Variants in CTNNBL1 observed in about 807,000 individuals in gnomAD.
CTNNBL1 encodes the protein catenin beta like 1.
Under a neutral mutation model 72.7 loss-of-function variants are expected in CTNNBL1, and 31 were observed. That is an observed-to-expected ratio of 0.43 (90% CI 0.32 to 0.58). CTNNBL1 has a LOEUF of 0.58. CTNNBL1 is among the 20% of genes least tolerant of loss of function. CTNNBL1 has a pLI of 0.08. For missense variants in CTNNBL1, 534 were observed against 725.1 expected, an observed-to-expected ratio of 0.74 and a Z score of 3.03; for synonymous variants, 240 against 267.3, an observed-to-expected ratio of 0.90 and a Z score of 1.00.
At chr20:37,842,310 C>T (rs2072310789) in intron 12 of CTNNBL1, 29 bp from the exon 13 acceptor site, 5 of 1,506,220 alleles carry the variant, frequency 3.3e-6, no homozygotes, top group Non-Finnish European at 3.7e-6. Context: ...CTTTCCTTCT[C>T]ACTCAAGCCT....
intron 1 of CTNNBL1, among the ~76,000 whole-genome samples, chr20:37,718,277 G>C (rs1216496143): frequency 2.6e-4 from 37 of 141,326 alleles, no homozygotes. Context: ...TGGCTGGCCG[G>C]GCGGGGGGCT....
chr20:37,860,426 A>G, intron 15 of CTNNBL1, 82 bp downstream of exon 15: 3 of 1,139,814 alleles, frequency 2.6e-6, no homozygotes, highest in Non-Finnish European at 4.0e-6. Flanking sequence ...TATCCCTGGT[A>G]TTTGATGTGG....
chr20:37,808,419 T>G (rs1201765851), intron 11 of CTNNBL1, among the ~76,000 whole-genome samples: 1 of 152,184 alleles, frequency 6.6e-6, no homozygotes, highest in Non-Finnish European at 1.5e-5. Context: ...TTTAAAAGTC[T>G]TCGTGCTGGG....
At chr20:37,828,115 T>G (rs2072176137) in intron 11 of CTNNBL1, among the ~76,000 whole-genome samples, 1 of 152,184 alleles carries the variant, frequency 6.6e-6, no homozygotes, top group Non-Finnish European at 1.5e-5. Context: ...CACGGTGGTT[T>G]GTTATGATAT....
intron 1 of CTNNBL1, among the ~76,000 whole-genome samples, chr20:37,706,383 T>C (rs1412160686): frequency 6.6e-6 from 1 of 152,246 alleles, no homozygotes; most frequent in Non-Finnish European, 1.5e-5. Context: ...GTGCTGCCAA[T>C]TTATCATCTA....
intron 5 of CTNNBL1, among the ~76,000 whole-genome samples, chr20:37,760,560 G>A (rs2073407730): frequency 6.6e-6 from 1 of 152,250 alleles, no homozygotes; most frequent in Admixed American, 6.5e-5. Context: ...CGTCAGGGGA[G>A]TGGTCAGAGC....
chr20:37,746,478 T>A lies in CTNNBL1; in HGVS notation c.337T>A (p.Ser113Thr), dbSNP rs1568761287. 1.9e-6 allele frequency: 3 copies of A among 1,613,424 alleles called. No individual in the cohort carries two copies. Among genetic ancestry groups the A allele is most frequent in the Non-Finnish European group, 2.5e-6 (3 of 1,179,516 alleles). ...FPDNPEKFME[S>T]ELDLNDIIQE... ...TGTTTTCCCTCCTAGGTTCATGGAA[T>A]CCGAGCTGGACCTAAATGACATCAT... The change falls in exon 4 of 16, where the codon TCC (serine) becomes ACC (threonine). Residue 113 changes from serine to threonine, a missense_variant. Physicochemically the swap from Ser to Thr is moderately conservative, Grantham distance 58. Transcript: ENST00000361383.
chr20:37,833,558 C>G (rs778490619), intron 11 of CTNNBL1, among the ~76,000 whole-genome samples: 33 of 152,050 alleles, frequency 2.2e-4, no homozygotes, highest in Non-Finnish European at 4.7e-4. Context: ...TTGGTGGAGC[C>G]TTGTTGCTTC....
At chr20:37,740,121 A>G (rs895978092) in intron 3 of CTNNBL1, among the ~76,000 whole-genome samples, 8 of 152,224 alleles carry the variant, frequency 5.3e-5, no homozygotes, top group African/African-American at 1.9e-4. Context: ...AGTGTTTTCC[A>G]TTCAGACAAA....
intron 15 of CTNNBL1, among the ~76,000 whole-genome samples, chr20:37,865,598 G>T (rs2072530705): frequency 6.6e-6 from 1 of 152,142 alleles, no homozygotes; most frequent in African/African-American, 2.4e-5. Flanking sequence ...GCTACGCATG[G>T]GCATTGTTGA....
chr20:37,698,294 G>A (rs1279208253), intron 1 of CTNNBL1, among the ~76,000 whole-genome samples: 7 of 152,202 alleles, frequency 4.6e-5, no homozygotes. Flanking sequence ...GCATGCTCAT[G>A]TCCAGCTGGC....
At chr20:37,846,399 G>C (rs971838659) in intron 13 of CTNNBL1, among the ~76,000 whole-genome samples, 5 of 152,086 alleles carry the variant, frequency 3.3e-5, no homozygotes, top group Admixed American at 6.5e-5. Flanking sequence ...TCCGACTGTG[G>C]GCAAACAGTT....
intron 1 of CTNNBL1, among the ~76,000 whole-genome samples, chr20:37,731,313 G>A (rs1047922695): frequency 5.3e-5 from 8 of 151,274 alleles, no homozygotes; most frequent in Admixed American, 1.3e-4. Flanking sequence ...TCGGCTCACC[G>A]CAACCTCTGC....
intron 15 of CTNNBL1, among the ~76,000 whole-genome samples, chr20:37,865,845 G>C (rs1345784739): frequency 6.6e-6 from 1 of 152,198 alleles, no homozygotes; most frequent in Non-Finnish European, 1.5e-5. Context: ...TCTCACTGCT[G>C]GGCGAAAAGA....
intron 7 of CTNNBL1, among the ~76,000 whole-genome samples, chr20:37,774,889 A>AT (rs1191836991): frequency 6.6e-6 from 1 of 151,992 alleles, no homozygotes; most frequent in South Asian, 2.1e-4. Flanking sequence ...AATAAGTGGG[A>AT]TTTTTTTTCT....
At chr20:37,746,437 C>T (rs764453540) in intron 3 of CTNNBL1, 31 bp from the exon 4 acceptor site, 2 of 1,602,494 alleles carry the variant, frequency 1.2e-6, no homozygotes, top group Non-Finnish European at 1.7e-6. Flanking sequence ...GTGCCCCTTT[C>T]CTTCTAATGA....
intron 3 of CTNNBL1, among the ~76,000 whole-genome samples, chr20:37,737,755 T>G (rs1316637446): frequency 6.6e-6 from 1 of 152,198 alleles, no homozygotes; most frequent in Non-Finnish European, 1.5e-5. Context: ...CTTCCTATGT[T>G]TTCTCCTTCC....
At chr20:37,865,619 C>T (rs963249477) in intron 15 of CTNNBL1, among the ~76,000 whole-genome samples, 4 of 152,174 alleles carry the variant, frequency 2.6e-5, no homozygotes, top group African/African-American at 9.7e-5. Flanking sequence ...GCAGTCATCA[C>T]CTTGGCTGTG....
chr20:37,757,431 A>G (rs552164515), intron 4 of CTNNBL1, 128 bp from the exon 5 acceptor site: 8 of 577,162 alleles, frequency 1.4e-5, no homozygotes, highest in African/African-American at 1.1e-4. Context: ...AAGAGATGTT[A>G]ATAAAACTGG....
Sources: gnomAD v4.1 joint callset for allele counts (sites outside exome capture counted in the v4.1 genomes callset) on GRCh38, gnomAD v4.1.1 for gene constraint, MANE v1.5 for transcripts, NCBI Gene and HGNC (gene_info 2026-07-23, HGNC 2026-07-21) for gene names.